The following SHC3 variants were observed in gnomAD, a reference collection of about 807,000 sequenced individuals.
SHC3 encodes SHC adaptor protein 3.
Under a neutral mutation model 60.4 loss-of-function variants are expected in SHC3, and 15 were observed. The ratio of observed to expected loss-of-function variants is 0.25; its 90% CI spans 0.17 to 0.38. The LOEUF (loss-of-function observed/expected upper bound fraction) is 0.38. Ranked by LOEUF, SHC3 falls within the 10% of genes least tolerant of loss-of-function variation. The pLI, the probability that SHC3 is intolerant of heterozygous loss-of-function variation, is 1.00. For synonymous variants in SHC3, 294 were observed against 325.9 expected (o/e 0.90, Z 1.05); for missense variants, 677 against 786.1 (o/e 0.86, Z 1.66).
chr9:89,145,929 T>A (rs766854970), intron 1 of SHC3, among the ~76,000 whole-genome samples: 6 of 152,154 alleles, frequency 3.9e-5, no homozygotes, highest in African/African-American at 7.2e-5. Flanking sequence ...TTACTTTTTT[T>A]AAAAAGAATG....
At chr9:89,026,368 C>A (rs1450641080) in intron 11 of SHC3, among the ~76,000 whole-genome samples, 2 of 152,146 alleles carry the variant, frequency 1.3e-5, no homozygotes, top group African/African-American at 2.4e-5. Flanking sequence ...TCTCCACAAC[C>A]CCTTATCTTA....
chr9:89,038,342 T>TAAAAAAA (rs4061828), intron 10 of SHC3, 54 bp from the exon 11 acceptor site: 2 of 1,232,108 alleles, frequency 1.6e-6, no homozygotes, highest in African/African-American at 3.5e-5. Context: ...GAGCAAATGA[T>TAAAAAAA]AAAAAAAAAA....
At chr9:89,113,540 T>C (rs535391540) in intron 1 of SHC3, among the ~76,000 whole-genome samples, 2 of 152,270 alleles carry the variant, frequency 1.3e-5, no homozygotes, top group African/African-American at 4.8e-5. Flanking sequence ...AAAATGTGAA[T>C]TGGAGGCTGG....
At chr9:89,077,160 G>C (rs1051538639) in intron 3 of SHC3, among the ~76,000 whole-genome samples, 1 of 150,664 alleles carries the variant, frequency 6.6e-6, no homozygotes, top group African/African-American at 2.4e-5. Context: ...CCGGGGGATA[G>C]AGCGAGACTC....
At chr9:89,086,917 C>T (rs951155179) in intron 2 of SHC3, among the ~76,000 whole-genome samples, 1 of 152,192 alleles carries the variant, frequency 6.6e-6, no homozygotes, top group African/African-American at 2.4e-5. Flanking sequence ...GGCACATGCA[C>T]TGATCCTAAG....
chr9:89,043,133 C>A (rs1273663412), intron 9 of SHC3, among the ~76,000 whole-genome samples: 1 of 152,160 alleles, frequency 6.6e-6, no homozygotes, highest in Non-Finnish European at 1.5e-5. Flanking sequence ...TTGAAGCCAG[C>A]TCAATCCAGC....
Position 89,013,493 on chromosome 9 carries a change from G to A in SHC3, c.1739C>T (p.Ala580Val). Reference sequence around the variant, plus strand: ...CTGCTGGAGACACAGCTCACTCCCTGCAGAGACAATGGGCAGGCTGCTTTC... The same window carrying A: ...CTGCTGGAGACACAGCTCACTCCCTACAGAGACAATGGGCAGGCTGCTTTC... Reference protein sequence around the residue: ...HLESSLPIVSAGSELCLQQPV... With the variant: ...HLESSLPIVSVGSELCLQQPV... Residue 580 changes from alanine to valine, a missense_variant, in exon 12 of 12, where the codon GCA becomes GTA. Coordinates refer to ENST00000375835, the MANE Select transcript of SHC3 (RefSeq NM_016848.6). 6.2e-7 allele frequency: 1 copy of A among 1,613,988 alleles called. No individual in the cohort carries two copies. Among genetic ancestry groups the A allele is most frequent in the Non-Finnish European group, 8.5e-7 (1 of 1,179,930 alleles).
At chr9:89,145,502 A>G (rs1040284939) in intron 1 of SHC3, among the ~76,000 whole-genome samples, 2 of 152,252 alleles carry the variant, frequency 1.3e-5, no homozygotes, top group Admixed American at 1.3e-4. Flanking sequence ...AACACTAAAC[A>G]GCACAAATGG....
intron 8 of SHC3, among the ~76,000 whole-genome samples, chr9:89,046,332 C>T (rs1824775357): frequency 6.6e-6 from 1 of 152,056 alleles, no homozygotes; most frequent in Non-Finnish European, 1.5e-5. Flanking sequence ...TTATCATTCA[C>T]ATAAGGTAGT....
At chr9:89,130,345 A>G (rs1415900837) in intron 1 of SHC3, among the ~76,000 whole-genome samples, 1 of 152,214 alleles carries the variant, frequency 6.6e-6, no homozygotes, top group Non-Finnish European at 1.5e-5. Context: ...TGTTAACCTT[A>G]GACAGATCAA....
At chr9:89,073,345 A>C (rs1169249528) in intron 4 of SHC3, among the ~76,000 whole-genome samples, 2 of 152,234 alleles carry the variant, frequency 1.3e-5, no homozygotes, top group African/African-American at 4.8e-5. Flanking sequence ...TAAGAAAATT[A>C]GAGCTAATTG....
chr9:89,060,501 A>T (rs1195742078), intron 6 of SHC3, among the ~76,000 whole-genome samples: 1 of 151,938 alleles, frequency 6.6e-6, no homozygotes, highest in African/African-American at 2.4e-5. Flanking sequence ...GGCCGGTGGT[A>T]GAAGGCAGGC....
chr9:89,016,676 C>G (rs2118636925), intron 11 of SHC3, among the ~76,000 whole-genome samples: 1 of 152,228 alleles, frequency 6.6e-6, no homozygotes, highest in African/African-American at 2.4e-5. Flanking sequence ...TCTATGAAGC[C>G]AGCATTACCT....
intron 2 of SHC3, among the ~76,000 whole-genome samples, chr9:89,112,230 A>G (rs1423161872): frequency 6.6e-6 from 1 of 152,234 alleles, no homozygotes; most frequent in Non-Finnish European, 1.5e-5. Flanking sequence ...ATGGTTCAGT[A>G]CATTTTAAAA....
intron 11 of SHC3, among the ~76,000 whole-genome samples, chr9:89,027,405 T>C (rs561046207): frequency 3.9e-3 from 591 of 149,936 alleles, no homozygotes; most frequent in Non-Finnish European, 6.4e-3. Flanking sequence ...CTGCAGGCTG[T>C]GCCCCCCGGG....
rs68051828 is a variant in SHC3 at position 89,074,691 on chromosome 9, CAAA to C, written c.729+415_729+417del. Among the ~76,000 whole-genome samples, 387 of 59,964 alleles carry C rather than the reference CAAA, an allele frequency of 6.5e-3. 1 individual carries two copies. Among genetic ancestry groups the C allele is most frequent in the African/African-American group, 0.025 (360 of 14,586 alleles). The allele number at this position is 59,964 out of a possible 152,430, so 39.3% of individuals were successfully genotyped here. On this transcript the variant is annotated intron_variant, in intron 4 of 11. Coordinates refer to ENST00000375835, the MANE Select transcript of SHC3 (RefSeq NM_016848.6). Reference sequence around the variant, plus strand: ...GCTCCAAAACAATGAGCCACTAAAGCAAAAAAAAAAAAAAAAAAAAAAAAATCA... The same window carrying C: ...GCTCCAAAACAATGAGCCACTAAAGCAAAAAAAAAAAAAAAAAAAAAATCA...
At chr9:89,155,033 T>G (rs1826602101) in intron 1 of SHC3, among the ~76,000 whole-genome samples, 1 of 152,186 alleles carries the variant, frequency 6.6e-6, no homozygotes, top group Non-Finnish European at 1.5e-5. Context: ...CTGCTCAGTC[T>G]TAGAAAATTC....
intron 2 of SHC3, among the ~76,000 whole-genome samples, chr9:89,104,515 T>C (rs1026489790): frequency 1.3e-5 from 2 of 152,212 alleles, no homozygotes; most frequent in African/African-American, 4.8e-5. Flanking sequence ...TTGTGCCAAG[T>C]CAGAGTGCCC....
intron 1 of SHC3, among the ~76,000 whole-genome samples, chr9:89,132,974 C>G (rs1392019045): frequency 1.3e-5 from 2 of 152,090 alleles, no homozygotes; most frequent in Non-Finnish European, 2.9e-5. Context: ...GAACAGGCAA[C>G]CTACAGACTG....
Sources: allele counts gnomAD v4.1 joint callset (sites outside exome capture counted in the v4.1 genomes callset), GRCh38; gene constraint gnomAD v4.1.1; transcripts MANE v1.5; gene names NCBI Gene and HGNC (gene_info 2026-07-23, HGNC 2026-07-21).